Variants in CNTLN observed in about 807,000 individuals in gnomAD.
The protein encoded by CNTLN is centlein.
Under a neutral mutation model 180.0 loss-of-function variants are expected in CNTLN, and 212 were observed. The ratio of observed to expected loss-of-function variants is 1.18; its 90% CI spans 1.05 to 1.32. The LOEUF is 1.32. Among genes scored for constraint, CNTLN ranks in the 40% most tolerant of loss-of-function variants. The pLI is 0.00. For synonymous variants in CNTLN, 722 were observed against 563.1 expected (o/e 1.28, Z -3.99); for missense variants, 2,095 against 1,610.9 (o/e 1.30, Z -5.14).
At chr9:17,216,600 T>G (rs1055643466) in intron 2 of CNTLN, among the ~76,000 whole-genome samples, 1 of 152,212 alleles carries the variant, frequency 6.6e-6, no homozygotes, top group Non-Finnish European at 1.5e-5. Context: ...GATTGTCTTA[T>G]TTTTATTTCT....
rs569093518 is a variant in CNTLN at position 17,359,317 on chromosome 9, C to T, written c.1887-7300C>T. On this transcript the variant is annotated intron_variant, in intron 12 of 25. Transcript: ENST00000380647. ...TACAGGTGTGAGCTACTGCACCTGC[C>T]CAATTTCTTAAACCAGGCATAAAAA... Among the ~76,000 whole-genome samples, 4 of 151,956 alleles carry T rather than the reference C, an allele frequency of 2.6e-5. No individual in the cohort carries two copies. The South Asian group carries it at 8.3e-4, about 32-fold the overall frequency.
intron 10 of CNTLN, among the ~76,000 whole-genome samples, chr9:17,340,336 A>G (rs951770537): frequency 6.6e-6 from 1 of 152,142 alleles, no homozygotes; most frequent in South Asian, 2.1e-4. Context: ...CATAGGGTCC[A>G]ATCTCATTTT....
chr9:17,294,548 G>C (rs1190014884), intron 6 of CNTLN, among the ~76,000 whole-genome samples: 1 of 150,870 alleles, frequency 6.6e-6, no homozygotes, highest in African/African-American at 2.4e-5. Flanking sequence ...TGATTGGTGT[G>C]TTTACAATCC....
intron 5 of CNTLN, among the ~76,000 whole-genome samples, chr9:17,253,085 G>T (rs1054298287): frequency 3.3e-5 from 5 of 151,376 alleles, no homozygotes; most frequent in African/African-American, 1.2e-4. Flanking sequence ...GCTATGAATT[G>T]GTGGATTTAC....
chr9:17,242,707 A>T (rs937315988), intron 5 of CNTLN, among the ~76,000 whole-genome samples: 1 of 152,176 alleles, frequency 6.6e-6, no homozygotes, highest in African/African-American at 2.4e-5. Flanking sequence ...CCTAGGATAA[A>T]TTGCACTTGG....
At chr9:17,262,956 T>C (rs919887338) in intron 5 of CNTLN, among the ~76,000 whole-genome samples, 1 of 151,364 alleles carries the variant, frequency 6.6e-6, no homozygotes, top group African/African-American at 2.5e-5. Context: ...TCTGTGTCTA[T>C]TGAGATGATC....
chr9:17,248,359 T>A (rs1461721127), intron 5 of CNTLN, among the ~76,000 whole-genome samples: 1 of 152,022 alleles, frequency 6.6e-6, no homozygotes, highest in African/African-American at 2.4e-5. Flanking sequence ...AAGCTACCTG[T>A]CCCTGAATTT....
chr9:17,500,182 G>A (rs1431652672), intron 25 of CNTLN, among the ~76,000 whole-genome samples: 1 of 152,162 alleles, frequency 6.6e-6, no homozygotes, highest in African/African-American at 2.4e-5. Flanking sequence ...TAATAAAACA[G>A]GGTTGGCATA....
chr9:17,330,128 A>G (rs1820547402), intron 8 of CNTLN, among the ~76,000 whole-genome samples: 1 of 152,048 alleles, frequency 6.6e-6, no homozygotes, highest in African/African-American at 2.4e-5. Flanking sequence ...AGAATGCTGT[A>G]AACTATATTG....
chr9:17,304,081 A>C (rs1246404909), intron 7 of CNTLN, among the ~76,000 whole-genome samples: 2 of 152,142 alleles, frequency 1.3e-5, no homozygotes, highest in Non-Finnish European at 2.9e-5. Context: ...AATTATCTGA[A>C]AAGATGAAAA....
intron 10 of CNTLN, among the ~76,000 whole-genome samples, chr9:17,339,623 T>A (rs1821316747): frequency 6.6e-6 from 1 of 152,186 alleles, no homozygotes; most frequent in Non-Finnish European, 1.5e-5. Context: ...TTAGAGAGTA[T>A]CTGTTGCCTC....
chr9:17,185,537 T>C (rs76382517), intron 2 of CNTLN, among the ~76,000 whole-genome samples: 9,435 of 152,258 alleles, frequency 0.062, 384 homozygotes, highest in East Asian at 0.21. Context: ...TCTTTTAGTT[T>C]ACTTTTTTTT....
chr9:17,263,419 C>T (rs1487803928), intron 5 of CNTLN, among the ~76,000 whole-genome samples: 1 of 151,074 alleles, frequency 6.6e-6, no homozygotes, highest in South Asian at 2.1e-4. Flanking sequence ...ATATGTGCCA[C>T]ATTTTCTTAA....
rs1818237354 is a variant in CNTLN at position 17,143,393 on chromosome 9, T to C, written c.449+17T>C. 6.3e-7 allele frequency: 1 copy of C among 1,586,518 alleles called. No individual in the cohort carries two copies. The highest frequency in any genetic ancestry group is 8.7e-7 in the Non-Finnish European group (1 of 1,156,068). ...TGTGGAAAGGTGAGCTCTCAAATTATTTTTTCATGAGTATTTGGTGTGTTG... is the reference window on the plus strand; with the variant it reads ...TGTGGAAAGGTGAGCTCTCAAATTACTTTTTCATGAGTATTTGGTGTGTTG... On this transcript the variant is annotated intron_variant, in intron 2 of 25. Transcript: ENST00000380647.
At chr9:17,217,450 T>A (rs551122093) in intron 2 of CNTLN, among the ~76,000 whole-genome samples, 2 of 152,240 alleles carry the variant, frequency 1.3e-5, no homozygotes, top group African/African-American at 2.4e-5. Flanking sequence ...AACAGTGGCC[T>A]GTGGGAATTC....
chr9:17,326,797 C>A (rs1339134284), intron 8 of CNTLN, among the ~76,000 whole-genome samples: 1 of 152,042 alleles, frequency 6.6e-6, no homozygotes, highest in Non-Finnish European at 1.5e-5. Flanking sequence ...AGAAAAACAT[C>A]AGACAAATCC....
chr9:17,161,882 G>T (rs1470562383), intron 2 of CNTLN, among the ~76,000 whole-genome samples: 2 of 151,910 alleles, frequency 1.3e-5, no homozygotes, highest in African/African-American at 4.8e-5. Flanking sequence ...CTATTAATCT[G>T]TTTCCTCCAG....
intron 12 of CNTLN, among the ~76,000 whole-genome samples, chr9:17,354,232 T>C (rs1587746474): frequency 6.6e-6 from 1 of 152,068 alleles, no homozygotes; most frequent in Non-Finnish European, 1.5e-5. Context: ...CTCCATGGGC[T>C]CCTGTGCAGC....
chr9:17,253,553 T>C (rs1171061744), intron 5 of CNTLN, among the ~76,000 whole-genome samples: 1 of 151,568 alleles, frequency 6.6e-6, no homozygotes, highest in Non-Finnish European at 1.5e-5. Flanking sequence ...GCTTTTTTGA[T>C]TTCTTCTTCA....
Sources: allele counts gnomAD v4.1 joint callset (sites outside exome capture counted in the v4.1 genomes callset), GRCh38; gene constraint gnomAD v4.1.1; transcripts MANE v1.5; gene names NCBI Gene and HGNC (gene_info 2026-07-23, HGNC 2026-07-21).